RBFOX3: variants seen among roughly 807,000 people sequenced by gnomAD.
RBFOX3 encodes the protein RNA binding protein fox-1 homolog 3.
Under a neutral mutation model 48.7 loss-of-function variants are expected in RBFOX3, and 17 were observed. The observed-to-expected ratio is 0.35, with a 90% CI of 0.24 to 0.52. The LOEUF (loss-of-function observed/expected upper bound fraction) is 0.52, where lower values mean the gene tolerates loss of function less well. RBFOX3 is among the 20% of genes least tolerant of loss of function. RBFOX3 has a pLI of 0.94. For synonymous variants in RBFOX3, 212 were observed against 209.5 expected, an observed-to-expected ratio of 1.01 and a Z score of -0.10; for missense variants, 382 against 497.5, an observed-to-expected ratio of 0.77 and a Z score of 2.21.
chr17:79,223,693 G>C lies in RBFOX3; in HGVS notation c.-34+12073C>G, dbSNP rs573674301. On this transcript the variant is annotated intron_variant, in intron 4 of 14. Coordinates refer to ENST00000693108, the MANE Select transcript of RBFOX3 (RefSeq NM_001350451.2). ...TGAATAAATAATGATGAAGGGAGAA[G>C]AAAGAGGGGCCGGGGTGCAGGACAC... Among the ~76,000 whole-genome samples, 11 of 152,310 alleles carry C rather than the reference G, an allele frequency of 7.2e-5. No homozygotes were observed. The East Asian group carries it at 1.9e-3, about 27-fold the overall frequency.
chr17:79,316,325 C>T (rs112528380), intron 2 of RBFOX3, among the ~76,000 whole-genome samples: 13,257 of 152,248 alleles, frequency 0.087, 1,066 homozygotes, highest in African/African-American at 0.21. Flanking sequence ...GAGAACACCA[C>T]CCCAAGCCCA....
intron 2 of RBFOX3, among the ~76,000 whole-genome samples, chr17:79,419,306 G>A (rs559589025): frequency 1.9e-4 from 29 of 152,170 alleles, no homozygotes; most frequent in Non-Finnish European, 3.4e-4. Context: ...GCTCTCCTGT[G>A]CCAACCTTTC....
intron 2 of RBFOX3, among the ~76,000 whole-genome samples, chr17:79,427,809 G>T (rs2067664821): frequency 6.6e-6 from 1 of 152,232 alleles, no homozygotes; most frequent in Non-Finnish European, 1.5e-5. Flanking sequence ...AACATGCACA[G>T]GCGTGCACAC....
At chr17:79,226,850 G>A (rs185004198) in intron 4 of RBFOX3, among the ~76,000 whole-genome samples, 1 of 152,298 alleles carries the variant, frequency 6.6e-6, no homozygotes, top group African/African-American at 2.4e-5. Context: ...AAGAGGGAGC[G>A]TGAGGCTGGC....
chr17:79,659,551 G>A, the RBFOX3 span, among the ~76,000 whole-genome samples: 16 of 152,180 alleles, frequency 1.1e-4, no homozygotes, highest in African/African-American at 3.6e-4. Context: ...CTGTGCATAG[G>A]CCAGGGCAGG....
chr17:79,392,116 C>T lies in RBFOX3; in HGVS notation c.-174-84292G>A. Reference sequence around the variant, plus strand: ...GGGACCTTGGGCAAACTCTTTTAGCCTCAGCACCTTCCTCTGTGAAATGGA... The same window carrying T: ...GGGACCTTGGGCAAACTCTTTTAGCTTCAGCACCTTCCTCTGTGAAATGGA... On this transcript the variant is annotated intron_variant, in intron 2 of 14. Coordinates refer to ENST00000693108, the MANE Select transcript of RBFOX3 (RefSeq NM_001350451.2). This position sits in a 1 kb window ranked among gnomAD's most constrained non-coding sequence, Gnocchi z 5.0. 6.6e-6 allele frequency among the ~76,000 whole-genome samples: 1 copy of T among 152,210 alleles called. No individual in the cohort carries two copies. The highest frequency in any genetic ancestry group is 2.1e-4 in the South Asian group (1 of 4,816).
Position 79,363,352 on chromosome 17 carries a change from C to G in RBFOX3, c.-174-55528G>C, listed in dbSNP as rs758394514. Among the ~76,000 whole-genome samples, 5 of 152,126 alleles carry G rather than the reference C, an allele frequency of 3.3e-5. No individual in the cohort carries two copies. The highest frequency in any genetic ancestry group is 7.4e-5 in the Non-Finnish European group (5 of 68,018). On this transcript the variant is annotated intron_variant, in intron 2 of 14. Transcript: ENST00000693108. This position sits in a 1 kb window ranked among gnomAD's most constrained non-coding sequence, Gnocchi z 4.7. Reference sequence around the variant, plus strand: ...CTCTTGGCAACGCCAGGGAGAGGAACAGGATTCCTGGGATACCCAGGAAGT... The same window carrying G: ...CTCTTGGCAACGCCAGGGAGAGGAAGAGGATTCCTGGGATACCCAGGAAGT...
chr17:79,223,201 A>C (rs886634261), intron 4 of RBFOX3, among the ~76,000 whole-genome samples: 3 of 152,182 alleles, frequency 2.0e-5, no homozygotes, highest in Non-Finnish European at 4.4e-5. Context: ...GCAACAGCAG[A>C]CAGCACACAC....
intron 2 of RBFOX3, among the ~76,000 whole-genome samples, chr17:79,455,109 G>T (rs1248759364): frequency 4.6e-5 from 7 of 151,980 alleles, no homozygotes; most frequent in Non-Finnish European, 1.0e-4. Flanking sequence ...TCCACGGGGT[G>T]TGCACAGGCC....
At chr17:79,504,065 C>T (rs1329685892) in intron 1 of RBFOX3, among the ~76,000 whole-genome samples, 8 of 151,776 alleles carry the variant, frequency 5.3e-5, no homozygotes, top group Admixed American at 1.3e-4. Context: ...GTGCTCACCT[C>T]GAGCTCCTGA....
intron 5 of RBFOX3, among the ~76,000 whole-genome samples, chr17:79,112,083 CCTCCGTATTT>C (rs2031859790): frequency 6.6e-6 from 1 of 152,208 alleles, no homozygotes; most frequent in South Asian, 2.1e-4. Context: ...CAGGAAGGAG[CCTCCGTATTT>C]CTGGACGGTG....
the RBFOX3 span, among the ~76,000 whole-genome samples, chr17:79,649,831 TAC>T: frequency 3.3e-5 from 5 of 152,088 alleles, no homozygotes; most frequent in African/African-American, 7.2e-5. Context: ...TCAGGAAACT[TAC>T]AGTCATGGAG....
intron 2 of RBFOX3, among the ~76,000 whole-genome samples, chr17:79,309,619 T>C (rs918095122): frequency 6.6e-6 from 1 of 152,160 alleles, no homozygotes; most frequent in African/African-American, 2.4e-5. Flanking sequence ...GCCTGTCGCA[T>C]CATAATGTGG....
intron 2 of RBFOX3, among the ~76,000 whole-genome samples, chr17:79,316,285 T>TCA (rs998278710): frequency 2.6e-5 from 4 of 152,070 alleles, no homozygotes; most frequent in Non-Finnish European, 5.9e-5. Flanking sequence ...AGATCGAACG[T>TCA]CACCCATGAA....
At chr17:79,327,272 G>T (rs2079478307) in intron 2 of RBFOX3, among the ~76,000 whole-genome samples, 1 of 152,212 alleles carries the variant, frequency 6.6e-6, no homozygotes. Flanking sequence ...CACCCTTGAG[G>T]GTCTCCTTGG....
intron 2 of RBFOX3, among the ~76,000 whole-genome samples, chr17:79,426,239 GT>G (rs1467244447): frequency 6.6e-6 from 1 of 152,158 alleles, no homozygotes; most frequent in Non-Finnish European, 1.5e-5. Flanking sequence ...CCAGTCCTTT[GT>G]CCCACTTGTC....
At chr17:79,239,863 T>TG (rs1277952815) in intron 3 of RBFOX3, among the ~76,000 whole-genome samples, 3 of 152,262 alleles carry the variant, frequency 2.0e-5, no homozygotes, top group African/African-American at 7.2e-5. Flanking sequence ...TTTTGAAGCA[T>TG]GGGATTGGAC....
At chr17:79,434,661 TG>T (rs2069067554) in intron 2 of RBFOX3, among the ~76,000 whole-genome samples, 2 of 152,194 alleles carry the variant, frequency 1.3e-5, no homozygotes, top group South Asian at 4.1e-4. Context: ...TGTGTGATTT[TG>T]TATAGGGGAT....
chr17:79,146,421 A>T (rs1283296102), intron 4 of RBFOX3, among the ~76,000 whole-genome samples: 1 of 152,212 alleles, frequency 6.6e-6, no homozygotes, highest in Non-Finnish European at 1.5e-5. Context: ...GCAAGAGGGT[A>T]CGTGACTCCA....
Sources: gnomAD v4.1 joint callset for allele counts (sites outside exome capture counted in the v4.1 genomes callset) on GRCh38, gnomAD v4.1.1 for gene constraint, Gnocchi (gnomAD v3.1) non-coding constraint, MANE v1.5 for transcripts, NCBI Gene and HGNC (gene_info 2026-07-23, HGNC 2026-07-21) for gene names.